The following EXT1 variants were observed in gnomAD, a reference collection of about 807,000 sequenced individuals.
The protein encoded by EXT1 is exostosin-1.
In EXT1, 20 loss-of-function variants were observed where a neutral mutation model predicts 82.5. The observed-to-expected ratio is 0.24, with a 90% CI of 0.17 to 0.35. EXT1 has a LOEUF of 0.35. Among genes scored for constraint, EXT1 ranks in the 10% least tolerant of loss-of-function variants. The pLI is 1.00. For missense variants in EXT1, 757 were observed against 936.5 expected (o/e 0.81, Z 2.50); for synonymous variants, 348 against 350.8 (o/e 0.99, Z 0.09).
intron 1 of EXT1, among the ~76,000 whole-genome samples, chr8:117,978,680 C>A (rs1459293046): frequency 6.6e-6 from 1 of 152,204 alleles, no homozygotes; most frequent in African/African-American, 2.4e-5. Context: ...GCGTGACTCA[C>A]GCTTTTAGTT....
chr8:117,927,900 C>T (rs1186548565), intron 1 of EXT1, among the ~76,000 whole-genome samples: 1 of 152,228 alleles, frequency 6.6e-6, no homozygotes. Context: ...TGCTTGCAGG[C>T]TAAAACCTGC....
intron 1 of EXT1, among the ~76,000 whole-genome samples, chr8:117,936,487 T>A (rs531872524): frequency 1.9e-4 from 29 of 152,326 alleles, no homozygotes; most frequent in African/African-American, 7.0e-4. Context: ...TATCACCAAA[T>A]TGCTGATTAA....
At chr8:117,828,500 C>A (rs1437689154) in intron 4 of EXT1, among the ~76,000 whole-genome samples, 3 of 150,710 alleles carry the variant, frequency 2.0e-5, no homozygotes, top group Non-Finnish European at 4.4e-5. Flanking sequence ...AGAGTGAGAT[C>A]CTGTCTAAAA....
At chr8:118,026,768 C>T (rs747347412) in intron 1 of EXT1, among the ~76,000 whole-genome samples, 1 of 152,170 alleles carries the variant, frequency 6.6e-6, no homozygotes, top group Non-Finnish European at 1.5e-5. Flanking sequence ...CACCGGACTG[C>T]CTGGGCCATG....
intron 1 of EXT1, among the ~76,000 whole-genome samples, chr8:118,005,819 GCTT>G (rs2129820992): frequency 6.6e-6 from 1 of 152,312 alleles, no homozygotes; most frequent in Non-Finnish European, 1.5e-5. Context: ...CCCTATGTAT[GCTT>G]CTTCATTTAT....
At chr8:118,012,911 C>T (rs1454405137) in intron 1 of EXT1, among the ~76,000 whole-genome samples, 2 of 152,168 alleles carry the variant, frequency 1.3e-5, no homozygotes, top group South Asian at 2.1e-4. Flanking sequence ...AGAATGGTGG[C>T]CTGATTCTTT....
At chr8:117,962,748 A>AG (rs1814726188) in intron 1 of EXT1, among the ~76,000 whole-genome samples, 1 of 140,410 alleles carries the variant, frequency 7.1e-6, no homozygotes, top group African/African-American at 3.0e-5. Flanking sequence ...GAAAGACTCC[A>AG]TCCCCCCACA....
At chr8:117,989,113 T>C (rs561832421) in intron 1 of EXT1, among the ~76,000 whole-genome samples, 370 of 146,816 alleles carry the variant, frequency 2.5e-3, no homozygotes, top group African/African-American at 8.8e-3. Context: ...CTGTGAAATA[T>C]CTCCCTTTTT....
intron 1 of EXT1, among the ~76,000 whole-genome samples, chr8:117,984,921 C>T (rs776136930): frequency 2.2e-4 from 33 of 152,248 alleles, no homozygotes; most frequent in Non-Finnish European, 2.1e-4. Context: ...TGCAGACAGG[C>T]TACCAGACTT....
intron 1 of EXT1, among the ~76,000 whole-genome samples, chr8:118,056,840 C>A (rs536662450): frequency 6.6e-6 from 1 of 152,314 alleles, no homozygotes; most frequent in Admixed American, 6.5e-5. Flanking sequence ...CCAACCACAG[C>A]TGGGAATGAA....
At chr8:117,800,994 T>C (rs1332838423) in intron 10 of EXT1, among the ~76,000 whole-genome samples, 1 of 152,266 alleles carries the variant, frequency 6.6e-6, no homozygotes, top group African/African-American at 2.4e-5. Flanking sequence ...AATAGGCAAG[T>C]CTTTAATGAT....
chr8:117,984,155 A>C (rs991345992), intron 1 of EXT1, among the ~76,000 whole-genome samples: 2 of 152,214 alleles, frequency 1.3e-5, no homozygotes, highest in African/African-American at 4.8e-5. Flanking sequence ...ACAGTGGCTC[A>C]CACCTGTCAT....
Position 118,016,581 on chromosome 8 carries a change from G to A in EXT1, c.962+93504C>T, listed in dbSNP as rs116012224. On this transcript the variant is annotated intron_variant, in intron 1 of 10. Transcript: ENST00000378204. ...CAAGGAACCACAAAGAATTTAGTCTGGTGGGAAGAGAGGAAGGCAGGCAGC... is the reference window on the plus strand; with the variant it reads ...CAAGGAACCACAAAGAATTTAGTCTAGTGGGAAGAGAGGAAGGCAGGCAGC... Among the ~76,000 whole-genome samples, 1,487 of 152,284 alleles carry A rather than the reference G, an allele frequency of 9.8e-3. 31 individuals are homozygous for A. Among genetic ancestry groups the A allele is most frequent in the African/African-American group, 0.034 (1,427 of 41,548 alleles).
chr8:118,087,974 T>C (rs1020011794), intron 1 of EXT1, among the ~76,000 whole-genome samples: 1 of 147,392 alleles, frequency 6.8e-6, no homozygotes, highest in South Asian at 2.2e-4. Flanking sequence ...TACAAGTGCC[T>C]CTGTGAAGAG....
At chr8:117,863,411 G>GTTTT (rs10624775) in intron 1 of EXT1, among the ~76,000 whole-genome samples, 1,537 of 132,294 alleles carry the variant, frequency 0.012, 26 homozygotes, top group Non-Finnish European at 0.015. Context: ...CTAAGTCTAG[G>GTTTT]TTTTTTTTTT....
At chr8:118,010,066 T>C (rs1359067686) in intron 1 of EXT1, among the ~76,000 whole-genome samples, 2 of 152,260 alleles carry the variant, frequency 1.3e-5, no homozygotes, top group East Asian at 1.9e-4. Context: ...GTGTCTTCAT[T>C]TGCCTATTGC....
chr8:117,877,901 G>A (rs186823720), intron 1 of EXT1, among the ~76,000 whole-genome samples: 1 of 152,216 alleles, frequency 6.6e-6, no homozygotes, highest in Non-Finnish European at 1.5e-5. Context: ...TATTTCAAGT[G>A]ATTAAAGACA....
intron 1 of EXT1, among the ~76,000 whole-genome samples, chr8:118,082,220 A>G (rs557377372): frequency 6.6e-6 from 1 of 152,344 alleles, no homozygotes; most frequent in East Asian, 1.9e-4. Flanking sequence ...AACAAAATGC[A>G]TTAAAAATAG....
intron 1 of EXT1, among the ~76,000 whole-genome samples, chr8:117,838,836 A>T (rs1214624854): frequency 6.6e-6 from 1 of 152,156 alleles, no homozygotes; most frequent in Non-Finnish European, 1.5e-5. Flanking sequence ...TTTTTTTAAT[A>T]CAGAAAGGTC....
Sources: allele counts gnomAD v4.1 joint callset (sites outside exome capture counted in the v4.1 genomes callset), GRCh38; gene constraint gnomAD v4.1.1; transcripts MANE v1.5; gene names NCBI Gene and HGNC (gene_info 2026-07-23, HGNC 2026-07-21).